The following CFAP47 variants were observed in gnomAD, a reference collection of about 807,000 sequenced individuals.
CFAP47 encodes cilia- and flagella-associated protein 47.
In CFAP47, 29 loss-of-function variants were observed where a neutral mutation model predicts 148.1. The observed-to-expected ratio is 0.20, with a 90% CI of 0.15 to 0.27. The LOEUF (loss-of-function observed/expected upper bound fraction) is 0.27. Ranked by LOEUF, CFAP47 falls within the 10% of genes least tolerant of loss-of-function variation. The pLI, the probability that CFAP47 is intolerant of heterozygous loss-of-function variation, is 1.00. For synonymous variants in CFAP47, 664 were observed against 577.3 expected (o/e 1.15, Z -2.15); for missense variants, 1,872 against 1,697.5 (o/e 1.10, Z -1.81).
chrX:36,173,073 T>C (rs1939609070), intron 39 of CFAP47, among the ~76,000 whole-genome samples: 2 of 111,581 alleles, frequency 1.8e-5, no homozygotes, highest in African/African-American at 3.3e-5. Context: ...CTAGATTTTC[T>C]AGTTTATTTG....
intron 29 of CFAP47, 51 bp downstream of exon 29, chrX:36,073,415 A>G: frequency 1.3e-6 from 1 of 782,015 alleles, no homozygotes; most frequent in Non-Finnish European, 1.9e-6. Flanking sequence ...ACATCATAAA[A>G]TATAATCTAT....
At chrX:36,169,690 TA>T (rs1323842059) in intron 39 of CFAP47, among the ~76,000 whole-genome samples, 1 of 111,381 alleles carries the variant, frequency 9.0e-6, no homozygotes, top group Non-Finnish European at 1.9e-5. Context: ...TATGCAGCAT[TA>T]AAGATCTTTG....
intron 15 of CFAP47, among the ~76,000 whole-genome samples, chrX:35,983,022 C>T (rs1466092459): frequency 1.8e-5 from 2 of 111,840 alleles, no homozygotes; most frequent in Admixed American, 9.5e-5. Context: ...ATAGGAATGG[C>T]ATTGAATCTG....
chrX:36,378,377 G>A (rs782318244), intron 62 of CFAP47, among the ~76,000 whole-genome samples: 2 of 111,850 alleles, frequency 1.8e-5, no homozygotes, highest in East Asian at 5.6e-4. Flanking sequence ...CTAAAGGGAA[G>A]ATGAGTAAAT....
chrX:36,062,270 C>A (rs988555804), intron 26 of CFAP47, among the ~76,000 whole-genome samples: 1 of 110,909 alleles, frequency 9.0e-6, no homozygotes, highest in Admixed American at 9.7e-5. Context: ...TTTGACATGC[C>A]ATCACGGTAT....
At chrX:36,166,383 G>T (rs1304787023) in intron 39 of CFAP47, among the ~76,000 whole-genome samples, 4 of 110,782 alleles carry the variant, frequency 3.6e-5, no homozygotes, top group Non-Finnish European at 5.7e-5. Flanking sequence ...CTACTATTAA[G>T]CCCTTGAGTG....
intron 22 of CFAP47, among the ~76,000 whole-genome samples, chrX:36,019,133 G>A (rs769672191): frequency 8.9e-6 from 1 of 111,941 alleles, no homozygotes; most frequent in Admixed American, 9.5e-5. Flanking sequence ...CCCAGCGACA[G>A]ATGAATGAAG....
At chrX:35,924,803 G>A (rs1331880892) in intron 1 of CFAP47, among the ~76,000 whole-genome samples, 1 of 111,156 alleles carries the variant, frequency 9.0e-6, no homozygotes, top group African/African-American at 3.3e-5. Context: ...ACTCTTGAAA[G>A]CATATCTTAA....
chrX:36,235,867 A>C, intron 46 of CFAP47, 67 bp from the exon 47 acceptor site: 1 of 405,219 alleles, frequency 2.5e-6, no homozygotes, highest in South Asian at 5.7e-5. Context: ...ATTACCAAGA[A>C]TTCATATGTA....
chrX:36,285,286 T>C (rs1471779303), intron 50 of CFAP47, among the ~76,000 whole-genome samples: 1 of 111,691 alleles, frequency 9.0e-6, no homozygotes, highest in Non-Finnish European at 1.9e-5. Context: ...GAATAGTTTG[T>C]CAATGAGAAA....
chrX:36,201,106 A>G (rs1485018192), intron 43 of CFAP47, among the ~76,000 whole-genome samples, 168 bp from the exon 44 acceptor site: 1 of 111,685 alleles, frequency 9.0e-6, no homozygotes, highest in Non-Finnish European at 1.9e-5. Flanking sequence ...TTGCTCTTTA[A>G]TTACTGAATT....
intron 27 of CFAP47, among the ~76,000 whole-genome samples, chrX:36,068,136 G>A (rs910001129): frequency 9.0e-6 from 1 of 111,583 alleles, no homozygotes; most frequent in African/African-American, 3.3e-5. Context: ...CAAGTTCTTT[G>A]AGCATCTTGA....
At chrX:36,153,953 G>A (rs1436435825) in intron 37 of CFAP47, among the ~76,000 whole-genome samples, 1 of 111,765 alleles carries the variant, frequency 8.9e-6, no homozygotes, top group African/African-American at 3.3e-5. Flanking sequence ...GCCTATGATG[G>A]GAGAGGCAGC....
At chrX:35,989,698 G>T in intron 16 of CFAP47, 1 of 732,502 alleles carries the variant, frequency 1.4e-6, no homozygotes, top group East Asian at 3.6e-5. Flanking sequence ...TTAAAAATGT[G>T]AGTAGAGGGA....
chrX:36,234,490 A>G (rs1205641795), intron 46 of CFAP47, among the ~76,000 whole-genome samples: 3 of 111,185 alleles, frequency 2.7e-5, no homozygotes, highest in African/African-American at 9.8e-5. Context: ...ACTTCTCTGT[A>G]TTGGTTTTTC....
intron 36 of CFAP47, among the ~76,000 whole-genome samples, chrX:36,148,534 A>G (rs1056659764): frequency 2.7e-5 from 3 of 111,716 alleles, no homozygotes; most frequent in Non-Finnish European, 5.6e-5. Flanking sequence ...TTCAAGAAGT[A>G]CTCTTTTGTA....
chrX:36,228,804 C>G lies in CFAP47; in HGVS notation c.6994C>G (p.Leu2332Val). The G allele has an allele frequency of 3.8e-6, 2 of 524,091 alleles. No homozygotes were observed. Among genetic ancestry groups the G allele is most frequent in the Non-Finnish European group, 7.0e-6 (2 of 285,876 alleles). The allele number at this position is 524,091 out of a possible 1,213,427, so 43.2% of individuals were successfully genotyped here. ...GTTTGAAACACCAGCATTTGAAGCC[C>G]TTACTCAGAATATTCCAATAGTATG... Reference protein sequence around the residue: ...FEFETPAFEALTQNIPIKNQT... With the variant: ...FEFETPAFEAVTQNIPIKNQT... Residue 2332 changes from leucine to valine, a missense_variant, in exon 46 of 64, where the codon CTT becomes GTT. Coordinates refer to ENST00000378653, the MANE Select transcript of CFAP47 (RefSeq NM_001304548.2).
chrX:35,999,231 TG>T (rs1203627644), intron 19 of CFAP47, among the ~76,000 whole-genome samples: 2 of 112,479 alleles, frequency 1.8e-5, no homozygotes, highest in Non-Finnish European at 3.8e-5. Context: ...ACAACTGCGT[TG>T]ACATTTTAAA....
At position 36,299,072 on chromosome X, in the gene CFAP47, T is replaced by C. The variant is rs990755729; in HGVS notation, c.7782T>C (p.Asn2594=). 4.9e-5 allele frequency: 56 copies of C among 1,144,359 alleles called. No homozygotes were observed. The highest frequency in any genetic ancestry group is 6.4e-5 in the Non-Finnish European group (55 of 854,061). The allele number at this position is 1,144,359 out of a possible 1,213,427, so 94.3% of individuals were successfully genotyped here. A position where few individuals can be genotyped will look rare whatever the true frequency, so the allele number is the denominator to read the frequency against. The change falls in exon 52 of 64, where the codon AAT becomes AAC. Residue 2594 remains asparagine, a synonymous_variant. Transcript: ENST00000378653. ...CGAGTGCTGCCCTTAATGGGGATAATGAAATTATCCTGAGTCCACTACAGT... is the reference window on the plus strand; with the variant it reads ...CGAGTGCTGCCCTTAATGGGGATAACGAAATTATCCTGAGTCCACTACAGT... ...QLTSAALNGD[N]EIILSPLQCT...
Sources: allele counts gnomAD v4.1 joint callset (sites outside exome capture counted in the v4.1 genomes callset), GRCh38; gene constraint gnomAD v4.1.1; transcripts MANE v1.5; gene names NCBI Gene and HGNC (gene_info 2026-07-23, HGNC 2026-07-21).